RECQL5: variants seen among roughly 807,000 people sequenced by gnomAD.
RECQL5 encodes RecQ like helicase 5, also known as ATP-dependent DNA helicase Q5.
Under a neutral mutation model 103.4 loss-of-function variants are expected in RECQL5, and 88 were observed. That is an observed-to-expected ratio of 0.85 (90% CI 0.72 to 1.02). The LOEUF is 1.02. Ranked by LOEUF, RECQL5 falls within the 50% of genes least tolerant of loss-of-function variation. RECQL5 has a pLI of 0.00. For synonymous variants in RECQL5, 552 were observed against 507.9 expected (o/e 1.09, Z -1.17); for missense variants, 1,232 against 1,284.3 (o/e 0.96, Z 0.62).
At chr17:75,638,703 G>C (rs1328809746) in intron 8 of RECQL5, 1 of 152,280 alleles carries the variant, frequency 6.6e-6, no homozygotes, top group Non-Finnish European at 1.5e-5. Context: ...ACAATGTGCT[G>C]CTAGATGGTC....
At chr17:75,639,723 C>T (rs2059397821) in intron 8 of RECQL5, 1 of 154,026 alleles carries the variant, frequency 6.5e-6, no homozygotes, top group African/African-American at 2.4e-5. Context: ...CCAGAAGCCC[C>T]ATGAACCTGC....
chr17:75,641,306 G>T (rs937653507), intron 8 of RECQL5: 15 of 174,038 alleles, frequency 8.6e-5, no homozygotes, highest in Non-Finnish European at 3.7e-5. Flanking sequence ...GGGGCTTTGT[G>T]CAATAGCTTC....
intron 8 of RECQL5, among the ~76,000 whole-genome samples, 158 bp from the exon 9 acceptor site, chr17:75,631,826 G>A (rs1208545960): frequency 1.3e-5 from 2 of 152,232 alleles, no homozygotes; most frequent in African/African-American, 4.8e-5. Context: ...ACCAGGCATC[G>A]TTTGGCTCTC....
Position 75,636,273 on chromosome 17 carries a change from G to A in RECQL5, c.1230-4605C>T, listed in dbSNP as rs964941816. On this transcript the variant is annotated intron_variant, in intron 8 of 19. Coordinates refer to ENST00000317905, the MANE Select transcript of RECQL5 (RefSeq NM_004259.7). This position sits in a 1 kb window ranked among gnomAD's most constrained non-coding sequence, Gnocchi z 5.4. Reference sequence around the variant, plus strand: ...GGAGGGACTCTGGTTGCCCTGGTTCGCAGGTGGGCACTACCAAGCGTGGGG... The same window carrying A: ...GGAGGGACTCTGGTTGCCCTGGTTCACAGGTGGGCACTACCAAGCGTGGGG... Among the ~76,000 whole-genome samples, 5 of 152,086 alleles carry A rather than the reference G, an allele frequency of 3.3e-5. No individual in the cohort carries two copies. The highest frequency in any genetic ancestry group is 5.9e-5 in the Non-Finnish European group (4 of 68,002).
In RECQL5 at chr17:75,631,097, C is replaced by T. The variant is rs116570712; in HGVS notation, c.1548+53G>A. The T allele has an allele frequency of 5.9e-4, 951 of 1,609,794 alleles. 6 individuals carry two copies. The African/African-American group carries it at 7.5e-3, about 13-fold the overall frequency. The stretch of plus-strand genomic sequence containing the variant: ...GCACCAGAGAAGGGGCTGAGAGGTG[C>T]GAGCAGGGGGCCACCAGGGGCCCCA... On this transcript the variant is annotated intron_variant, in intron 10 of 19. Coordinates refer to ENST00000317905, the MANE Select transcript of RECQL5 (RefSeq NM_004259.7).
chr17:75,640,798 T>C lies in RECQL5; in HGVS notation c.1230-9130A>G. The stretch of plus-strand genomic sequence containing the variant: ...TCTCTCCCGGCCCTCCAGCTACTGT[T>C]CTGCTGTTGCTGCTGATAGCCTGCA... On this transcript the variant is annotated intron_variant, in intron 8 of 19. Coordinates refer to ENST00000317905, the MANE Select transcript of RECQL5 (RefSeq NM_004259.7). This position sits in a 1 kb window ranked among gnomAD's most constrained non-coding sequence, Gnocchi z 4.6. 6.5e-7 allele frequency: 1 copy of C among 1,550,350 alleles called. No individual in the cohort carries two copies. Among genetic ancestry groups the C allele is most frequent in the Non-Finnish European group, 8.7e-7 (1 of 1,146,880 alleles).
At chr17:75,665,442 A>G (rs939459331) in intron 2 of RECQL5, among the ~76,000 whole-genome samples, 4 of 152,194 alleles carry the variant, frequency 2.6e-5, no homozygotes, top group African/African-American at 9.7e-5. Context: ...CTGTAATCCC[A>G]GCACTTTGGG....
In RECQL5 at chr17:75,631,185, T is replaced by C. The variant is rs778939229; in HGVS notation, c.1513A>G (p.Asn505Asp). 2 of 1,613,944 alleles carry C rather than the reference T, an allele frequency of 1.2e-6. No individual in the cohort carries two copies. Among genetic ancestry groups the C allele is most frequent in the South Asian group, 1.1e-5 (1 of 91,090 alleles). The change falls in exon 10 of 20, where the codon AAC becomes GAC. Residue 505 changes from asparagine to aspartate, a missense_variant. Coordinates refer to ENST00000317905, the MANE Select transcript of RECQL5 (RefSeq NM_004259.7). The part of the protein sequence containing the change: ...GRDEAHKREW[N>D]LFYQKQMQLR... ...TGCATCTGCTTCTGATAGAAGAGGT[T>C]CCACTCCCGCTTGTGGGCCTCATCT...
rs375197304 is a variant in RECQL5 at position 75,662,644 on chromosome 17, G to A, written c.606C>T (p.Asp202=). The change falls in exon 4 of 20, where the codon GAC becomes GAT. Residue 202 remains aspartate (D), a synonymous_variant. Coordinates refer to ENST00000317905, the MANE Select transcript of RECQL5 (RefSeq NM_004259.7). ...TCTTCAGGTGCAGGGCAGCAAACAC[G>A]TCCTCTTGGACCTGTGGGGTGGCTG... is the stretch of plus-strand genomic sequence containing the variant. ...TATATPQVQE[D]VFAALHLKKP... The A allele has an allele frequency of 4.3e-5, 70 of 1,614,168 alleles. No individual in the cohort carries two copies. In the East Asian group the frequency reaches 7.6e-4, roughly 17 times the overall value.
Position 75,640,855 on chromosome 17 carries a change from G to C in RECQL5, c.1230-9187C>G. On this transcript the variant is annotated intron_variant, in intron 8 of 19. Coordinates refer to ENST00000317905, the MANE Select transcript of RECQL5 (RefSeq NM_004259.7). This position sits in a 1 kb window ranked among gnomAD's most constrained non-coding sequence, Gnocchi z 4.6. ...GCTGCACTCACTGCTGCTGCCCTGAGCGGAGAGGCAGGAAGGTCCAGGTGC... is the reference window on the plus strand; with the variant it reads ...GCTGCACTCACTGCTGCTGCCCTGACCGGAGAGGCAGGAAGGTCCAGGTGC... The C allele has an allele frequency of 6.5e-7, 1 of 1,548,858 alleles. No homozygotes were observed. The highest frequency in any genetic ancestry group is 1.2e-5 in the South Asian group (1 of 84,060).
At chr17:75,630,310 A>T (rs1484064656) in intron 13 of RECQL5, 33 bp from the exon 14 acceptor site, 31 of 1,517,660 alleles carry the variant, frequency 2.0e-5, no homozygotes, top group Non-Finnish European at 2.8e-5. Flanking sequence ...ACAAGGTATC[A>T]GGTGGGCCTG....
chr17:75,665,075 G>C lies in RECQL5; in HGVS notation c.228C>G (p.Val76=). The part of the protein sequence containing the change: ...ALLAKGITIV[V]SPLIALIQDQ... ...CCTGAATCAAAGCAATGAGAGGAGAGACTACAATGGTGATGCCTTTGGCCA... is the reference window on the plus strand; with the variant it reads ...CCTGAATCAAAGCAATGAGAGGAGACACTACAATGGTGATGCCTTTGGCCA... Residue 76 remains valine, a synonymous_variant, in exon 3 of 20, where the codon GTC becomes GTG. Coordinates refer to ENST00000317905, the MANE Select transcript of RECQL5 (RefSeq NM_004259.7). 1.9e-6 allele frequency: 3 copies of C among 1,607,352 alleles called. No homozygotes were observed. The highest frequency in any genetic ancestry group is 2.5e-6 in the Non-Finnish European group (3 of 1,177,656).
intron 8 of RECQL5, among the ~76,000 whole-genome samples, chr17:75,642,916 G>C (rs554878907): frequency 1.2e-4 from 18 of 152,368 alleles, no homozygotes; most frequent in African/African-American, 4.1e-4. Context: ...CCAGGGCTCT[G>C]AGACCCAGAA....
intron 8 of RECQL5, chr17:75,647,663 C>A: frequency 8.5e-7 from 1 of 1,177,210 alleles, no homozygotes; most frequent in Non-Finnish European, 1.2e-6. Context: ...GGCTCAGGGG[C>A]CAAGCCCTGG....
At chr17:75,633,396 C>G (rs2059257813) in intron 8 of RECQL5, 1 of 1,274,414 alleles carries the variant, frequency 7.8e-7, no homozygotes, top group Non-Finnish European at 1.0e-6. Context: ...CCCCTGGACT[C>G]TGGAGCCCTG....
intron 19 of RECQL5, 45 bp downstream of exon 19, chr17:75,627,578 C>A: frequency 6.2e-7 from 1 of 1,613,144 alleles, no homozygotes; most frequent in Non-Finnish European, 8.5e-7. Flanking sequence ...TCCCTGTAGA[C>A]CACCCTCCCA....
At chr17:75,631,301 T>A in intron 9 of RECQL5, 52 bp from the exon 10 acceptor site, 1 of 1,574,912 alleles carries the variant, frequency 6.3e-7, no homozygotes, top group Non-Finnish European at 8.7e-7. Flanking sequence ...GCCCTCCCCA[T>A]GTGTGCTGCT....
At chr17:75,662,436 C>A in intron 4 of RECQL5, 43 bp downstream of exon 4, 1 of 1,589,858 alleles carries the variant, frequency 6.3e-7, no homozygotes, top group South Asian at 1.1e-5. Flanking sequence ...ACATCGCACC[C>A]CACTGCTCTA....
chr17:75,664,943 A>T, intron 3 of RECQL5, 108 bp downstream of exon 3: 3 of 1,379,810 alleles, frequency 2.2e-6, no homozygotes, highest in East Asian at 2.7e-5. Flanking sequence ...AAAAAGAAAA[A>T]GAAAAGAAAA....
Sources: allele counts gnomAD v4.1 joint callset (sites outside exome capture counted in the v4.1 genomes callset), GRCh38; gene constraint gnomAD v4.1.1; non-coding constraint Gnocchi (gnomAD v3.1); transcripts MANE v1.5; gene names NCBI Gene and HGNC (gene_info 2026-07-23, HGNC 2026-07-21).